The following SPAG6 variants were observed in gnomAD, a reference collection of about 807,000 sequenced individuals.
The protein encoded by SPAG6 is sperm-associated antigen 6.
In SPAG6, 49 loss-of-function variants were observed where a neutral mutation model predicts 58.5. The ratio of observed to expected loss-of-function variants is 0.84; its 90% CI spans 0.67 to 1.06. The LOEUF is 1.06. Among genes scored for constraint, SPAG6 ranks in the 50% least tolerant of loss-of-function variants. The pLI is 0.00. For synonymous variants in SPAG6, 233 were observed against 225.6 expected, an observed-to-expected ratio of 1.03 and a Z score of -0.29; for missense variants, 560 against 611.3, an observed-to-expected ratio of 0.92 and a Z score of 0.89.
intron 10 of SPAG6, among the ~76,000 whole-genome samples, chr10:22,415,946 C>T (rs564686475): frequency 4.6e-5 from 7 of 152,126 alleles, no homozygotes; most frequent in Admixed American, 1.3e-4. Context: ...ATATTTAATA[C>T]TTTTATACTA....
At chr10:22,387,147 A>ATT (rs1476336839) in intron 5 of SPAG6, among the ~76,000 whole-genome samples, 188 bp downstream of exon 5, 6 of 152,202 alleles carry the variant, frequency 3.9e-5, no homozygotes, top group Admixed American at 6.5e-5. Flanking sequence ...TAAAGATGTG[A>ATT]TTGGGGAAAC....
At chr10:22,347,024 C>T (rs190298332) in intron 2 of SPAG6, among the ~76,000 whole-genome samples, 1 of 152,216 alleles carries the variant, frequency 6.6e-6, no homozygotes, top group African/African-American at 2.4e-5. Context: ...ATATAGGTTT[C>T]CTCCTTTTAA....
intron 4 of SPAG6, among the ~76,000 whole-genome samples, chr10:22,374,096 T>C (rs930876876): frequency 6.6e-6 from 1 of 152,348 alleles, no homozygotes; most frequent in Non-Finnish European, 1.5e-5. Flanking sequence ...AACTCTTGGC[T>C]AATAAAATCT....
At chr10:22,359,217 G>T (rs1240759194) in intron 2 of SPAG6, among the ~76,000 whole-genome samples, 1 of 152,112 alleles carries the variant, frequency 6.6e-6, no homozygotes, top group Non-Finnish European at 1.5e-5. Context: ...TGTGTAATTG[G>T]TTAATTTTGT....
chr10:22,403,604 T>C (rs1834471905), intron 9 of SPAG6, among the ~76,000 whole-genome samples: 1 of 148,650 alleles, frequency 6.7e-6, no homozygotes, highest in East Asian at 1.9e-4. Context: ...TACGTGTGCA[T>C]GTGTCTTTAT....
chr10:22,376,164 C>T (rs1287952347), intron 4 of SPAG6, among the ~76,000 whole-genome samples: 1 of 152,094 alleles, frequency 6.6e-6, no homozygotes, highest in Non-Finnish European at 1.5e-5. Flanking sequence ...GGGTATGTGA[C>T]TCTACCTTTT....
chr10:22,347,759 G>A, intron 2 of SPAG6, among the ~76,000 whole-genome samples: 1 of 152,190 alleles, frequency 6.6e-6, no homozygotes, highest in South Asian at 2.1e-4. Flanking sequence ...TCTGGCTTAG[G>A]AAAGATGAAT....
intron 4 of SPAG6, among the ~76,000 whole-genome samples, chr10:22,370,468 C>T (rs1833657992): frequency 6.6e-6 from 1 of 152,190 alleles, no homozygotes; most frequent in South Asian, 2.1e-4. Context: ...GTCTAACTGT[C>T]TGACTGTAAA....
intron 2 of SPAG6, among the ~76,000 whole-genome samples, chr10:22,351,417 G>T (rs905755624): frequency 6.6e-6 from 1 of 152,136 alleles, no homozygotes; most frequent in Non-Finnish European, 1.5e-5. Context: ...GACTACCTTG[G>T]ACTGAGACCC....
intron 2 of SPAG6, among the ~76,000 whole-genome samples, chr10:22,363,451 G>A (rs1424961562): frequency 6.6e-6 from 1 of 152,170 alleles, no homozygotes; most frequent in Non-Finnish European, 1.5e-5. Context: ...GGCTCTGTGT[G>A]CCTGCAGCGC....
chr10:22,401,381 GT>G (rs1834411275), intron 9 of SPAG6, 104 bp downstream of exon 9: 1 of 679,262 alleles, frequency 1.5e-6, no homozygotes, highest in East Asian at 2.7e-5. Context: ...CGGGGTCATG[GT>G]TTTACTGCTT....
chr10:22,348,206 G>T (rs1836620970), intron 2 of SPAG6, among the ~76,000 whole-genome samples: 1 of 152,180 alleles, frequency 6.6e-6, no homozygotes. Flanking sequence ...GGCCAGGATG[G>T]TCTCGATCAC....
At chr10:22,415,061 C>T (rs1013544979) in intron 10 of SPAG6, among the ~76,000 whole-genome samples, 5 of 152,098 alleles carry the variant, frequency 3.3e-5, no homozygotes, top group South Asian at 2.1e-4. Flanking sequence ...CCACTGCACC[C>T]GGCCCATACC....
At position 22,402,607 on chromosome 10, in the gene SPAG6, G is replaced by A. The variant is rs150701589; in HGVS notation, c.1314+1330G>A. 2.7e-4 allele frequency among the ~76,000 whole-genome samples: 41 copies of A among 152,298 alleles called. 1 individual carries two copies. In the East Asian group the frequency reaches 6.6e-3, roughly 24 times the overall value. ...ACTCACCCAGGCAGGATACAGTTCT[G>A]TGTATCAAACACCTATGTCCTTTCT... On this transcript the variant is annotated intron_variant, in intron 9 of 10. Coordinates refer to ENST00000376624, the MANE Select transcript of SPAG6 (RefSeq NM_012443.4).
At chr10:22,362,880 A>G (rs928947662) in intron 2 of SPAG6, among the ~76,000 whole-genome samples, 2 of 152,108 alleles carry the variant, frequency 1.3e-5, no homozygotes, top group African/African-American at 4.8e-5. Flanking sequence ...CAATGAGCAC[A>G]TAAGATGCTC....
intron 4 of SPAG6, among the ~76,000 whole-genome samples, chr10:22,381,016 A>G (rs1833941418): frequency 6.6e-6 from 1 of 152,132 alleles, no homozygotes; most frequent in Admixed American, 6.6e-5. Flanking sequence ...GAGCTGAAAG[A>G]TTATTCGAGT....
intron 8 of SPAG6, among the ~76,000 whole-genome samples, chr10:22,398,008 A>G (rs755497501): frequency 7.9e-5 from 12 of 152,266 alleles, no homozygotes; most frequent in Non-Finnish European, 1.6e-4. Context: ...ATGTACCACA[A>G]AGCTATAGTA....
intron 2 of SPAG6, among the ~76,000 whole-genome samples, chr10:22,352,364 AATAAT>A (rs1836753052): frequency 6.6e-6 from 1 of 152,196 alleles, no homozygotes; most frequent in South Asian, 2.1e-4. Flanking sequence ...GACTTAGTTT[AATAAT>A]ATATCACCCT....
chr10:22,402,541 C>A (rs893266584), intron 9 of SPAG6, among the ~76,000 whole-genome samples: 6 of 152,200 alleles, frequency 3.9e-5, no homozygotes, highest in African/African-American at 1.4e-4. Context: ...CCGTCAAGTG[C>A]CAGAGCCACA....
Sources: gnomAD v4.1 joint callset for allele counts (sites outside exome capture counted in the v4.1 genomes callset) on GRCh38, gnomAD v4.1.1 for gene constraint, MANE v1.5 for transcripts, NCBI Gene and HGNC (gene_info 2026-07-23, HGNC 2026-07-21) for gene names.